The following ZKSCAN3 variants were observed in gnomAD, a reference collection of about 807,000 sequenced individuals.
ZKSCAN3 encodes the protein zinc finger protein with KRAB and SCAN domains 3.
Under a neutral mutation model 30.7 loss-of-function variants are expected in ZKSCAN3, and 21 were observed. The observed-to-expected ratio is 0.68, with a 90% CI of 0.49 to 0.99. The LOEUF is 0.99. Ranked by LOEUF, ZKSCAN3 falls within the 50% of genes least tolerant of loss-of-function variation. ZKSCAN3 has a pLI of 0.00. For missense variants in ZKSCAN3, 507 were observed against 647.1 expected, an observed-to-expected ratio of 0.78 and a Z score of 2.35; for synonymous variants, 201 against 246.7, an observed-to-expected ratio of 0.81 and a Z score of 1.73.
Position 28,359,982 on chromosome 6 carries a change from G to C in ZKSCAN3, c.396G>C (p.Ala132=). The C allele has an allele frequency of 6.2e-7, 1 of 1,614,174 alleles. No homozygotes were observed. Among genetic ancestry groups the C allele is most frequent in the Non-Finnish European group, 8.5e-7 (1 of 1,180,040 alleles). Residue 132 remains alanine, a synonymous_variant, in exon 2 of 6, where the codon GCG becomes GCC. Coordinates refer to ENST00000252211, the MANE Select transcript of ZKSCAN3 (RefSeq NM_024493.4). The part of the protein sequence containing the change: ...EYLERQLDEP[A]PQVSGVDQGQ... ...TGGAGAGGCAGCTGGATGAGCCGGC[G>C]CCGCAGGTAGAAAGAACAGGTTTAG...
At chr6:28,360,343 T>A (rs1765698105) in intron 2 of ZKSCAN3, 1 of 174,920 alleles carries the variant, frequency 5.7e-6, no homozygotes, top group South Asian at 1.9e-4. Context: ...CTTTGCTTGG[T>A]TGTAATGTGA....
At position 28,363,759 on chromosome 6, in the gene ZKSCAN3, A is replaced by G; in HGVS notation, c.701A>G (p.Gln234Arg). Reference protein sequence around the residue: ...TPEWTQQDSSQGNLCRDEKQE... With the variant: ...TPEWTQQDSSRGNLCRDEKQE... Reference sequence around the variant, plus strand: ...GAATGGACACAGCAGGATTCATCTCAGGGGAATCTCTGTAGAGATGAAAAG... The same window carrying G: ...GAATGGACACAGCAGGATTCATCTCGGGGGAATCTCTGTAGAGATGAAAAG... Residue 234 changes from glutamine (Q) to arginine (R), a missense_variant, in exon 5 of 6, where the codon CAG becomes CGG. By Grantham distance (43) the Gln-to-Arg change is conservative (BLOSUM62 1). Coordinates refer to ENST00000252211, the MANE Select transcript of ZKSCAN3 (RefSeq NM_024493.4). 2 of 1,613,470 alleles carry G rather than the reference A, an allele frequency of 1.2e-6. 1 individual carries two copies. The highest frequency in any genetic ancestry group is 2.2e-5 in the South Asian group (2 of 91,062).
chr6:28,362,362 G>T (rs1416194868), intron 3 of ZKSCAN3, among the ~76,000 whole-genome samples: 1 of 152,172 alleles, frequency 6.6e-6, no homozygotes, highest in Non-Finnish European at 1.5e-5. Flanking sequence ...AAATTAAAGG[G>T]TATAAATCTT....
At chr6:28,353,722 C>T (rs1306676603) in intron 1 of ZKSCAN3, 9 of 416,460 alleles carry the variant, frequency 2.2e-5, no homozygotes, top group African/African-American at 1.4e-4. Context: ...TAAAACCTTG[C>T]GAGTGATTAA....
At chr6:28,350,491 G>C (rs1298937730) in intron 1 of ZKSCAN3, 1 of 152,222 alleles carries the variant, frequency 6.6e-6, no homozygotes. Context: ...CTTACTGGCT[G>C]TGTGACTTTT....
chr6:28,350,619 A>G (rs769880934), intron 1 of ZKSCAN3, among the ~76,000 whole-genome samples: 6 of 152,216 alleles, frequency 3.9e-5, no homozygotes, highest in Non-Finnish European at 8.8e-5. Flanking sequence ...TAAGGTGCAG[A>G]GTAAGCATGA....
At chr6:28,363,958 C>A in intron 5 of ZKSCAN3, 143 bp downstream of exon 5, 1 of 1,078,352 alleles carries the variant, frequency 9.3e-7, no homozygotes. Context: ...CTGACTAGCT[C>A]CTTACCCTTT....
At chr6:28,364,859 C>A (rs1180285645) in intron 5 of ZKSCAN3, among the ~76,000 whole-genome samples, 4 of 152,152 alleles carry the variant, frequency 2.6e-5, no homozygotes, top group Non-Finnish European at 5.9e-5. Flanking sequence ...TCCTGAGTAG[C>A]TGGGATTATA....
chr6:28,366,759 A>G lies in ZKSCAN3; in HGVS notation c.*474A>G, dbSNP rs1366252582. The stretch of plus-strand genomic sequence containing the variant: ...GTTTATTGAATGTACCAGTGAGATT[A>G]CCTTCATAGATCTGAAAATCTGATG... On this transcript the variant is annotated 3_prime_UTR_variant, in exon 6 of 6. Coordinates refer to ENST00000252211, the MANE Select transcript of ZKSCAN3 (RefSeq NM_024493.4). 1 of 153,096 alleles carries G rather than the reference A, an allele frequency of 6.5e-6. No homozygotes were observed. Among genetic ancestry groups the G allele is most frequent in the African/African-American group, 2.4e-5 (1 of 41,426 alleles). 9.5% of individuals were successfully genotyped at this position (153,096 alleles called of 1,614,324 possible).
chr6:28,365,765 G>A lies in ZKSCAN3; in HGVS notation c.1097G>A (p.Gly366Asp), dbSNP rs1765937183. The change falls in exon 6 of 6, where the codon GGT (glycine) becomes GAT (aspartate). Residue 366 changes from glycine to aspartate, a missense_variant. Coordinates refer to ENST00000252211, the MANE Select transcript of ZKSCAN3 (RefSeq NM_024493.4). ...GTCATTCATCAGAGAGTCCACACTG[G>A]TGAGAAGCCATATGAGTGTGAAGAA... ...ALVIHQRVHT[G>D]EKPYECEECG... The A allele has an allele frequency of 6.2e-7, 1 of 1,614,174 alleles. No homozygotes were observed. Among genetic ancestry groups the A allele is most frequent in the Non-Finnish European group, 8.5e-7 (1 of 1,180,006 alleles).
chr6:28,363,502 A>C, intron 4 of ZKSCAN3, 117 bp downstream of exon 4: 1 of 1,270,486 alleles, frequency 7.9e-7, no homozygotes, highest in Non-Finnish European at 1.1e-6. Context: ...ACAGATCTCA[A>C]ATGGGATCTG....
chr6:28,358,191 G>GT lies in ZKSCAN3; in HGVS notation c.-62-1326dup, dbSNP rs59757534. Reference sequence around the variant, plus strand: ...ATAACCTACACACATCCTCCTGTATGTTTTTTTTAAGAGATGGAGTCTCTG... The same window carrying GT: ...ATAACCTACACACATCCTCCTGTATGTTTTTTTTTAAGAGATGGAGTCTCTG... On this transcript the variant is annotated intron_variant, in intron 1 of 5. Coordinates refer to ENST00000252211, the MANE Select transcript of ZKSCAN3 (RefSeq NM_024493.4). 5.3e-4 allele frequency among the ~76,000 whole-genome samples: 81 copies of GT among 152,052 alleles called. No individual in the cohort carries two copies. The East Asian group carries it at 0.013, about 25-fold the overall frequency.
chr6:28,350,317 C>G (rs912671468), intron 1 of ZKSCAN3: 3 of 152,104 alleles, frequency 2.0e-5, no homozygotes, highest in Non-Finnish European at 4.4e-5. Flanking sequence ...TATTTGGAGA[C>G]GGGATGCATG....
intron 1 of ZKSCAN3, among the ~76,000 whole-genome samples, chr6:28,352,545 AG>A (rs541104413): frequency 7.0e-4 from 106 of 152,288 alleles, no homozygotes; most frequent in Admixed American, 1.9e-3. Flanking sequence ...CACTGCACCC[AG>A]GCTGATTGAT....
intron 3 of ZKSCAN3, 93 bp downstream of exon 3, chr6:28,361,564 G>A: frequency 7.1e-7 from 1 of 1,405,512 alleles, no homozygotes; most frequent in Non-Finnish European, 9.7e-7. Context: ...GGGGGCTTAT[G>A]TGCCCATCAC....
chr6:28,356,357 A>G (rs528166210), intron 1 of ZKSCAN3: 2 of 152,340 alleles, frequency 1.3e-5, no homozygotes, highest in South Asian at 4.1e-4. Flanking sequence ...ATCAGACCAC[A>G]CTGTAATTAA....
chr6:28,355,387 A>G (rs1765358693), intron 1 of ZKSCAN3: 1 of 152,178 alleles, frequency 6.6e-6, no homozygotes, highest in Admixed American at 6.5e-5. Context: ...TCACGAGTCT[A>G]AAGGGCAGCA....
intron 1 of ZKSCAN3, among the ~76,000 whole-genome samples, chr6:28,352,762 T>G (rs1561929319): frequency 6.6e-6 from 1 of 152,188 alleles, no homozygotes; most frequent in South Asian, 2.1e-4. Flanking sequence ...TGTGGCAGCT[T>G]ATTAGGAGGA....
intron 3 of ZKSCAN3, among the ~76,000 whole-genome samples, chr6:28,361,833 C>T (rs78320307): frequency 0.011 from 1,697 of 151,758 alleles, 10 homozygotes; most frequent in Non-Finnish European, 0.017. Flanking sequence ...GCTCAAGCAG[C>T]CTCCACTTCC....
Sources: allele counts gnomAD v4.1 joint callset (sites outside exome capture counted in the v4.1 genomes callset), GRCh38; gene constraint gnomAD v4.1.1; transcripts MANE v1.5; gene names NCBI Gene and HGNC (gene_info 2026-07-23, HGNC 2026-07-21).